RBX1: variants seen among roughly 807,000 people sequenced by gnomAD.
RBX1 encodes the protein ring-box 1.
For synonymous variants in RBX1, 48 were observed against 47.9 expected (o/e 1.00, Z -0.01); for missense variants, 46 against 141.4 (o/e 0.33, Z 3.42).
At position 40,973,076 on chromosome 22, in the gene RBX1, TTGTAAAA is replaced by T. The variant is rs1232171585; in HGVS notation, c.*596_*602del. On this transcript the variant is annotated 3_prime_UTR_variant, in exon 5 of 5. Coordinates refer to ENST00000216225, the MANE Select transcript of RBX1 (RefSeq NM_014248.4). ...CATCATGTGGGCACAGAGAGAAGCT[TTGTAAAA>T]TGTAAAACCGCTATACAAATGTGAC... 2 of 152,306 alleles carry T rather than the reference TTGTAAAA, an allele frequency of 1.3e-5. No homozygotes were observed. Among genetic ancestry groups the T allele is most frequent in the African/African-American group, 2.4e-5 (1 of 41,434 alleles). The allele number at this position is 152,306 out of a possible 1,614,324, so 9.4% of individuals were successfully genotyped here. A position where few individuals can be genotyped will look rare whatever the true frequency, so the allele number is the denominator to read the frequency against.
intron 4 of RBX1, among the ~76,000 whole-genome samples, chr22:40,971,098 C>T (rs2058367933): frequency 6.6e-6 from 1 of 152,284 alleles, no homozygotes; most frequent in African/African-American, 2.4e-5. Flanking sequence ...ACAGCAGGCT[C>T]AAGGTTCCAT....
intron 3 of RBX1, among the ~76,000 whole-genome samples, chr22:40,965,640 C>G (rs1281990244): frequency 6.6e-6 from 1 of 152,024 alleles, no homozygotes; most frequent in African/African-American, 2.4e-5. Flanking sequence ...GGGGTTTCGC[C>G]ATGTTGGCCA....
intron 2 of RBX1, among the ~76,000 whole-genome samples, chr22:40,963,744 G>C (rs2146301458): frequency 6.6e-6 from 1 of 152,162 alleles, no homozygotes; most frequent in African/African-American, 2.4e-5. Context: ...AGCTACTCAG[G>C]AGGCTGAGGG....
intron 1 of RBX1, among the ~76,000 whole-genome samples, chr22:40,951,962 C>T (rs2058312232): frequency 6.6e-6 from 1 of 152,044 alleles, no homozygotes; most frequent in South Asian, 2.1e-4. Context: ...GCTTGGGGTC[C>T]TCTCACTTGG....
intron 2 of RBX1, among the ~76,000 whole-genome samples, chr22:40,963,560 C>G (rs1271595541): frequency 2.0e-5 from 3 of 152,082 alleles, no homozygotes; most frequent in Non-Finnish European, 2.9e-5. Flanking sequence ...CGCTTGAACT[C>G]GGGGGGCGGA....
chr22:40,969,089 G>A (rs887736472), intron 4 of RBX1, among the ~76,000 whole-genome samples: 14 of 151,880 alleles, frequency 9.2e-5, no homozygotes, highest in Middle Eastern at 3.5e-3. Flanking sequence ...CGAGGCAGGC[G>A]GATCACCTGA....
intron 3 of RBX1, among the ~76,000 whole-genome samples, chr22:40,965,449 T>C (rs971427724): frequency 6.7e-6 from 1 of 148,422 alleles, no homozygotes; most frequent in South Asian, 2.1e-4. Flanking sequence ...TTGTTTTTTG[T>C]TTTTTTTTTG....
intron 2 of RBX1, 56 bp from the exon 3 acceptor site, chr22:40,963,989 TAG>T (rs2058347613): frequency 7.6e-7 from 1 of 1,313,820 alleles, no homozygotes; most frequent in Admixed American, 1.7e-5. Flanking sequence ...TTGGCTGCTA[TAG>T]ATTGAAACGT....
chr22:40,959,241 A>G (rs1039628796), intron 2 of RBX1, among the ~76,000 whole-genome samples: 7 of 152,186 alleles, frequency 4.6e-5, no homozygotes, highest in Non-Finnish European at 1.0e-4. Flanking sequence ...AAATCACATG[A>G]TAGGCTTCTG....
intron 4 of RBX1, among the ~76,000 whole-genome samples, chr22:40,969,079 C>A (rs111968065): frequency 6.6e-6 from 1 of 151,556 alleles, no homozygotes; most frequent in Non-Finnish European, 1.5e-5. Context: ...TTTGGGAGGC[C>A]GAGGCAGGCG....
At chr22:40,960,527 A>G (rs2058337050) in intron 2 of RBX1, among the ~76,000 whole-genome samples, 1 of 152,276 alleles carries the variant, frequency 6.6e-6, no homozygotes. Flanking sequence ...GCCACAGTCA[A>G]AAGAAAGACC....
chr22:40,970,987 C>G (rs964712602), intron 4 of RBX1, among the ~76,000 whole-genome samples: 1 of 152,104 alleles, frequency 6.6e-6, no homozygotes, highest in Non-Finnish European at 1.5e-5. Context: ...GTCCTTCCTG[C>G]CCTTGGAGCT....
chr22:40,960,322 G>T (rs1420248742), intron 2 of RBX1, among the ~76,000 whole-genome samples: 1 of 152,094 alleles, frequency 6.6e-6, no homozygotes, highest in Non-Finnish European at 1.5e-5. Context: ...AGTGCCTGAA[G>T]GAGAGGAAAA....
chr22:40,967,761 A>G, intron 3 of RBX1, 38 bp from the exon 4 acceptor site: 1 of 1,562,904 alleles, frequency 6.4e-7, no homozygotes, highest in African/African-American at 1.4e-5. Flanking sequence ...CTGAGCCTGC[A>G]TAGAGTTATT....
chr22:40,963,551 G>A (rs1468693411), intron 2 of RBX1, among the ~76,000 whole-genome samples: 3 of 152,050 alleles, frequency 2.0e-5, no homozygotes, highest in Non-Finnish European at 2.9e-5. Context: ...CACGAGAATC[G>A]CTTGAACTCG....
intron 3 of RBX1, chr22:40,967,529 A>C (rs1391953005): frequency 3.7e-6 from 1 of 270,208 alleles, no homozygotes; most frequent in African/African-American, 2.2e-5. Context: ...ACGTTCTCTT[A>C]AATAGAAGAG....
chr22:40,954,959 G>C (rs921715310), intron 2 of RBX1, among the ~76,000 whole-genome samples: 2 of 152,092 alleles, frequency 1.3e-5, no homozygotes, highest in African/African-American at 4.8e-5. Flanking sequence ...GCTAATTTTT[G>C]TATTTTTAGT....
At chr22:40,971,415 C>G (rs949264926) in intron 4 of RBX1, among the ~76,000 whole-genome samples, 3 of 152,108 alleles carry the variant, frequency 2.0e-5, no homozygotes, top group African/African-American at 7.2e-5. Context: ...TTCCAGTGCC[C>G]TAGTTTCTAT....
chr22:40,965,751 A>G (rs919326931), intron 3 of RBX1, among the ~76,000 whole-genome samples: 2 of 151,952 alleles, frequency 1.3e-5, no homozygotes, highest in African/African-American at 4.8e-5. Context: ...CCCTACCCGC[A>G]CTTTCGGGTA....
Sources: allele counts gnomAD v4.1 joint callset (sites outside exome capture counted in the v4.1 genomes callset), GRCh38; gene constraint gnomAD v4.1.1; transcripts MANE v1.5; gene names NCBI Gene and HGNC (gene_info 2026-07-23, HGNC 2026-07-21).